DNAH7: variants seen among roughly 807,000 people sequenced by gnomAD.
DNAH7 encodes axonemal beta dynein heavy chain 7.
Under a neutral mutation model 444.6 loss-of-function variants are expected in DNAH7, and 397 were observed. The ratio of observed to expected loss-of-function variants is 0.89; its 90% CI spans 0.82 to 0.97. The LOEUF (loss-of-function observed/expected upper bound fraction) is 0.97, where lower values mean the gene tolerates loss of function less well. Among genes scored for constraint, DNAH7 ranks in the 50% least tolerant of loss-of-function variants. DNAH7 has a pLI of 0.00. For missense variants in DNAH7, 4,902 were observed against 4,800.8 expected, an observed-to-expected ratio of 1.02 and a Z score of -0.62; for synonymous variants, 1,636 against 1,624.4, an observed-to-expected ratio of 1.01 and a Z score of -0.17.
chr2:195,939,376 T>C (rs1410145954), intron 19 of DNAH7, among the ~76,000 whole-genome samples: 3 of 152,102 alleles, frequency 2.0e-5, no homozygotes, highest in African/African-American at 7.2e-5. Flanking sequence ...AGAATCGCCA[T>C]CAAATCCTGG....
intron 16 of DNAH7, among the ~76,000 whole-genome samples, chr2:195,970,441 A>C (rs1408697603): frequency 1.3e-5 from 2 of 152,180 alleles, no homozygotes; most frequent in Non-Finnish European, 2.9e-5. Context: ...AAAATCTCTT[A>C]ATAATCAAGA....
At chr2:195,842,690 T>A (rs781060137) in intron 47 of DNAH7, among the ~76,000 whole-genome samples, 4 of 152,160 alleles carry the variant, frequency 2.6e-5, no homozygotes, top group Non-Finnish European at 4.4e-5. Flanking sequence ...TTATGACTCA[T>A]TAACATAATT....
At chr2:195,744,993 G>C (rs1226504734) in intron 63 of DNAH7, among the ~76,000 whole-genome samples, 1 of 152,352 alleles carries the variant, frequency 6.6e-6, no homozygotes, top group South Asian at 2.1e-4. Flanking sequence ...CAACGGAACA[G>C]AGCTGGACGG....
intron 27 of DNAH7, among the ~76,000 whole-genome samples, 196 bp downstream of exon 27, chr2:195,906,453 CTTTTTTTTTT>C (rs397870111): frequency 3.1e-4 from 35 of 114,720 alleles, no homozygotes; most frequent in Admixed American, 3.6e-4. Context: ...TTCTTTCTTT[CTTTTTTTTTT>C]TTTTTTTTTT....
chr2:196,009,041 G>A (rs2125711785), intron 10 of DNAH7, among the ~76,000 whole-genome samples: 1 of 152,246 alleles, frequency 6.6e-6, no homozygotes, highest in East Asian at 1.9e-4. Context: ...AAGGAGGAAG[G>A]TGCCATACAC....
At chr2:195,857,864 A>G (rs1472722348) in intron 43 of DNAH7, 141 bp from the exon 44 acceptor site, 3 of 717,426 alleles carry the variant, frequency 4.2e-6, no homozygotes, top group Non-Finnish European at 4.2e-6. Context: ...AACTGCACTT[A>G]CACTTTTCTC....
At chr2:195,947,491 T>G (rs1490090055) in intron 19 of DNAH7, among the ~76,000 whole-genome samples, 1 of 152,104 alleles carries the variant, frequency 6.6e-6, no homozygotes. Context: ...CCCCTCCCTG[T>G]GTCCATGTGT....
At chr2:195,927,065 T>A (rs1469140943) in intron 21 of DNAH7, among the ~76,000 whole-genome samples, 1 of 152,098 alleles carries the variant, frequency 6.6e-6, no homozygotes, top group African/African-American at 2.4e-5. Context: ...TCACTCCCTC[T>A]CAATCCTGTA....
At chr2:196,067,975 G>A (rs1014493162) in intron 1 of DNAH7, among the ~76,000 whole-genome samples, 3 of 152,000 alleles carry the variant, frequency 2.0e-5, no homozygotes, top group African/African-American at 7.3e-5. Flanking sequence ...CCATTGTTCT[G>A]CCTTTCTGTT....
In DNAH7 at chr2:195,864,205, T is replaced by C. The variant is rs1338657015; in HGVS notation, c.7450A>G (p.Asn2484Asp). The C allele has an allele frequency of 1.9e-6, 3 of 1,613,986 alleles. No individual in the cohort carries two copies. In the African/African-American group the frequency reaches 4.0e-5, roughly 22 times the overall value. Reference sequence around the variant, plus strand: ...AGAGCAGGGAACTTTCTAAGACGATTCCGAAATGCATCTCCAATGGGACTC... The same window carrying C: ...AGAGCAGGGAACTTTCTAAGACGATCCCGAAATGCATCTCCAATGGGACTC... ...AMSPIGDAFR[N>D]RLRKFPALVN... Residue 2484 changes from asparagine to aspartate, a missense_variant, in exon 41 of 65, where the codon AAT becomes GAT. Coordinates refer to ENST00000312428, the MANE Select transcript of DNAH7 (RefSeq NM_018897.3).
intron 19 of DNAH7, among the ~76,000 whole-genome samples, chr2:195,950,142 C>T (rs924223987): frequency 6.6e-6 from 1 of 152,148 alleles, no homozygotes; most frequent in Non-Finnish European, 1.5e-5. Flanking sequence ...GAGTCCCTCT[C>T]TTTTTCTATT....
Position 195,816,765 on chromosome 2 carries a change from G to T in DNAH7, c.9624C>A (p.Ile3208=). 2 of 1,614,150 alleles carry T rather than the reference G, an allele frequency of 1.2e-6. No individual in the cohort carries two copies. The highest frequency in any genetic ancestry group is 1.7e-6 in the Non-Finnish European group (2 of 1,180,022). The change falls in exon 51 of 65, where the codon ATC becomes ATA. Residue 3208 remains isoleucine, a synonymous_variant. Transcript: ENST00000312428. Reference sequence around the variant, plus strand: ...GAGAAAAAAATAGGATGGAAGAATGGATGGCAATAGGACGATAGCCCATGC... The same window carrying T: ...GAGAAAAAAATAGGATGGAAGAATGTATGGCAATAGGACGATAGCCCATGC... The part of the protein sequence containing the change: ...TTRMGYRPIA[I]HSSILFFSLA...
At chr2:195,878,870 T>C (rs1046834704) in intron 36 of DNAH7, among the ~76,000 whole-genome samples, 1 of 152,134 alleles carries the variant, frequency 6.6e-6, no homozygotes, top group African/African-American at 2.4e-5. Context: ...TGGTGATAAA[T>C]AGCAGTATTT....
At chr2:196,049,191 T>G (rs1408018333) in intron 3 of DNAH7, among the ~76,000 whole-genome samples, 1 of 152,216 alleles carries the variant, frequency 6.6e-6, no homozygotes, top group Non-Finnish European at 1.5e-5. Flanking sequence ...GGCTTCTCTT[T>G]CTGCCTAGTT....
intron 46 of DNAH7, among the ~76,000 whole-genome samples, chr2:195,849,172 C>T (rs554140281): frequency 7.2e-5 from 11 of 152,138 alleles, no homozygotes; most frequent in African/African-American, 2.4e-4. Flanking sequence ...TGAAATTGTC[C>T]AAGTTTGGCC....
intron 21 of DNAH7, among the ~76,000 whole-genome samples, chr2:195,930,752 A>G (rs1688638060): frequency 6.6e-6 from 1 of 152,236 alleles, no homozygotes; most frequent in Non-Finnish European, 1.5e-5. Context: ...AGTATTCACA[A>G]TAGCAAAGAC....
At chr2:195,871,953 A>C (rs1700728709) in intron 40 of DNAH7, among the ~76,000 whole-genome samples, 1 of 145,552 alleles carries the variant, frequency 6.9e-6, no homozygotes, top group African/African-American at 2.5e-5. Flanking sequence ...AAAAAAAAAA[A>C]AAAAAAAAAA....
chr2:195,864,897 T>A lies in DNAH7; in HGVS notation c.6758A>T (p.Asp2253Val). The A allele has an allele frequency of 1.9e-6, 3 of 1,613,692 alleles. No homozygotes were observed. Among genetic ancestry groups the A allele is most frequent in the Non-Finnish European group, 2.5e-6 (3 of 1,180,016 alleles). ...TTCCACCATGCCATCATTATCAAAA[T>A]CCAAACGCTGAAAAAGCTCATGAAA... ...EDFHELFQRL[D>V]FDNDGMVEAD... is the part of the protein sequence containing the mutation. Residue 2253 changes from aspartate to valine, a missense_variant, in exon 41 of 65, where the codon GAT becomes GTT. Transcript: ENST00000312428.
chr2:196,004,282 A>G (rs1055880972), intron 10 of DNAH7, among the ~76,000 whole-genome samples: 1 of 152,178 alleles, frequency 6.6e-6, no homozygotes, highest in Non-Finnish European at 1.5e-5. Flanking sequence ...AGATTTTGCA[A>G]TAGGCTATAT....
Sources: allele counts gnomAD v4.1 joint callset (sites outside exome capture counted in the v4.1 genomes callset), GRCh38; gene constraint gnomAD v4.1.1; transcripts MANE v1.5; gene names NCBI Gene and HGNC (gene_info 2026-07-23, HGNC 2026-07-21).